SLIT1: variants seen among roughly 807,000 people sequenced by gnomAD.
SLIT1 encodes slit guidance ligand 1.
Under a neutral mutation model 186.1 loss-of-function variants are expected in SLIT1, and 66 were observed. The observed-to-expected ratio is 0.35, with a 90% CI of 0.29 to 0.44. The LOEUF is 0.44. Ranked by LOEUF, SLIT1 falls within the 20% of genes least tolerant of loss-of-function variation. SLIT1 has a pLI of 1.00. For synonymous variants in SLIT1, 761 were observed against 833.8 expected (o/e 0.91, Z 1.50); for missense variants, 1,638 against 2,037.4 (o/e 0.80, Z 3.77).
chr10:97,058,038 C>T (rs561361541), intron 11 of SLIT1: 1 of 717,482 alleles, frequency 1.4e-6, no homozygotes, highest in Non-Finnish European at 2.6e-6. Flanking sequence ...GGCACAGCAA[C>T]AGCAAAGGCC....
At chr10:97,063,326 G>A (rs969463016) in intron 8 of SLIT1, 129 bp downstream of exon 8, 3 of 960,940 alleles carry the variant, frequency 3.1e-6, no homozygotes, top group African/African-American at 1.6e-5. Context: ...GTGATGGGTG[G>A]GGCCAGGTGA....
At chr10:97,064,288 A>G in intron 6 of SLIT1, 49 bp from the exon 7 acceptor site, 1 of 1,523,030 alleles carries the variant, frequency 6.6e-7, no homozygotes, top group South Asian at 1.1e-5. Flanking sequence ...GCAGGAGATG[A>G]TGTGGGACAG....
At position 97,014,030 on chromosome 10, in the gene SLIT1, AG is replaced by A; in HGVS notation, c.3097del (p.Leu1033CysfsTer19). The A allele has an allele frequency of 6.2e-7, 1 of 1,613,710 alleles. No homozygotes were observed. ...GVGNYTCQCP[L>X]QYEGKACEQL... is the part of the protein sequence containing the mutation. Reference sequence around the variant, plus strand: ...CCTGACGCACTTACCCTCATACTGCAGGGGGCACTGGCAGGTGTAGTTGCCC... The same window carrying A: ...CCTGACGCACTTACCCTCATACTGCAGGGGCACTGGCAGGTGTAGTTGCCC... On this transcript the variant is annotated frameshift_variant, in exon 29 of 37. Coordinates refer to ENST00000266058, the MANE Select transcript of SLIT1 (RefSeq NM_003061.3). LOFTEE classifies it high-confidence loss of function.
At chr10:97,119,782 CA>C (rs1260842691) in intron 4 of SLIT1, among the ~76,000 whole-genome samples, 1 of 151,614 alleles carries the variant, frequency 6.6e-6, no homozygotes, top group Non-Finnish European at 1.5e-5. Flanking sequence ...TCAGCTAGAT[CA>C]GTCCCTTCGT....
At chr10:97,042,782 C>G in intron 20 of SLIT1, 119 bp downstream of exon 20, 1 of 1,097,996 alleles carries the variant, frequency 9.1e-7, no homozygotes, top group Non-Finnish European at 1.3e-6. Context: ...CACCTAACCT[C>G]TCCTCTCAGG....
intron 4 of SLIT1, among the ~76,000 whole-genome samples, chr10:97,148,256 AT>A (rs1394369706): frequency 6.6e-6 from 1 of 151,972 alleles, no homozygotes; most frequent in Non-Finnish European, 1.5e-5. Flanking sequence ...AGTAACTATC[AT>A]TATAATAATT....
rs116616517 is a variant in SLIT1 at position 97,062,842 on chromosome 10, G to C, written c.793+613C>G. On this transcript the variant is annotated intron_variant, in intron 8 of 36. Coordinates refer to ENST00000266058, the MANE Select transcript of SLIT1 (RefSeq NM_003061.3). Reference sequence around the variant, plus strand: ...CCTCCCAGACTTGCGGGTTCTTTTTGGTCTTCTGGCTGTAGTATAAGCCAG... The same window carrying C: ...CCTCCCAGACTTGCGGGTTCTTTTTCGTCTTCTGGCTGTAGTATAAGCCAG... 7.2e-3 allele frequency among the ~76,000 whole-genome samples: 1,096 copies of C among 152,328 alleles called. 14 individuals carry two copies. The highest frequency in any genetic ancestry group is 0.025 in the African/African-American group (1,042 of 41,576).
chr10:97,139,958 C>A (rs551063580), intron 4 of SLIT1, among the ~76,000 whole-genome samples: 10 of 152,288 alleles, frequency 6.6e-5, no homozygotes, highest in Non-Finnish European at 1.5e-4. Context: ...TAGGCAGCAG[C>A]AACAGAAGCC....
At position 97,040,129 on chromosome 10, in the gene SLIT1, G is replaced by A. The variant is rs759591639; in HGVS notation, c.2165-9C>T. 19 of 1,550,786 alleles carry A rather than the reference G, an allele frequency of 1.2e-5. No homozygotes were observed. In the East Asian group the frequency reaches 4.4e-4, roughly 36 times the overall value. ...GCCCCCCTCCTCCTGGCCTAGGGAA[G>A]AAGGCACGAAGCCCCTGTCAGGGAG... On this transcript the variant is annotated splice_polypyrimidine_tract_variant and intron_variant, in intron 20 of 36. Coordinates refer to ENST00000266058, the MANE Select transcript of SLIT1 (RefSeq NM_003061.3).
At position 97,030,968 on chromosome 10, in the gene SLIT1, T is replaced by C. The variant is rs1848585174; in HGVS notation, c.2511-140A>G. On this transcript the variant is annotated intron_variant, in intron 24 of 36. Transcript: ENST00000266058. ...CTCTCAGTCAGTGACCTGAAGGAGATGGCCCCTAGCTCAGCTGGCCACAGG... is the reference window on the plus strand; with the variant it reads ...CTCTCAGTCAGTGACCTGAAGGAGACGGCCCCTAGCTCAGCTGGCCACAGG... 63 of 704,156 alleles carry C rather than the reference T, an allele frequency of 8.9e-5. No individual in the cohort carries two copies. The South Asian group carries it at 1.0e-3, about 11-fold the overall frequency. 43.6% of individuals were successfully genotyped at this position (704,156 alleles called of 1,614,324 possible).
chr10:97,150,370 G>A (rs770019887), intron 4 of SLIT1, among the ~76,000 whole-genome samples: 6 of 152,148 alleles, frequency 3.9e-5, no homozygotes, highest in Non-Finnish European at 5.9e-5. Context: ...GGACCAAGAC[G>A]GGAAGGGAAG....
chr10:97,066,282 A>T (rs534623959), intron 4 of SLIT1, among the ~76,000 whole-genome samples, 196 bp from the exon 5 acceptor site: 6 of 152,188 alleles, frequency 3.9e-5, no homozygotes, highest in Non-Finnish European at 2.9e-5. Flanking sequence ...TGAATGATGG[A>T]ACTGGAGAGA....
At chr10:97,025,930 C>T (rs991374528) in intron 25 of SLIT1, among the ~76,000 whole-genome samples, 6 of 152,136 alleles carry the variant, frequency 3.9e-5, no homozygotes, top group Non-Finnish European at 5.9e-5. Flanking sequence ...CCACTAAATC[C>T]CCAGCTGTGT....
intron 22 of SLIT1, among the ~76,000 whole-genome samples, chr10:97,035,324 C>T (rs1201519391): frequency 2.6e-5 from 4 of 152,124 alleles, no homozygotes; most frequent in Admixed American, 6.5e-5. Context: ...ACAGTGCCCC[C>T]CTCCCCATGG....
chr10:97,058,071 C>T (rs1243164898), intron 11 of SLIT1: 1 of 717,484 alleles, frequency 1.4e-6, no homozygotes, highest in Non-Finnish European at 2.6e-6. Flanking sequence ...CTGTGTGTGC[C>T]TGTCGTGTGT....
chr10:97,173,169 C>A (rs1850212769), intron 1 of SLIT1, among the ~76,000 whole-genome samples: 1 of 152,170 alleles, frequency 6.6e-6, no homozygotes, highest in East Asian at 1.9e-4. Context: ...ATTCCAGACA[C>A]CCTCAGGAGG....
At chr10:97,185,225 G>A (rs1255308306) in intron 1 of SLIT1, among the ~76,000 whole-genome samples, 11 of 152,238 alleles carry the variant, frequency 7.2e-5, no homozygotes, top group Admixed American at 2.6e-4. Flanking sequence ...GGTGCGGAGT[G>A]CAGGGTGCAG....
intron 4 of SLIT1, among the ~76,000 whole-genome samples, chr10:97,097,578 C>T (rs951397345): frequency 3.3e-5 from 5 of 152,188 alleles, no homozygotes; most frequent in African/African-American, 7.2e-5. Context: ...TTATCAAAGA[C>T]GTCTTGCCTT....
chr10:96,998,692 C>CATCT lies in SLIT1; in HGVS notation c.*2416_*2419dup, dbSNP rs1357687102. 2 of 152,300 alleles carry CATCT rather than the reference C, an allele frequency of 1.3e-5. No homozygotes were observed. Among genetic ancestry groups the CATCT allele is most frequent in the African/African-American group, 4.8e-5 (2 of 41,452 alleles). The allele number at this position is 152,300 out of a possible 1,614,324, so 9.4% of individuals were successfully genotyped here. A position where few individuals can be genotyped will look rare whatever the true frequency, so the allele number is the denominator to read the frequency against. Reference sequence around the variant, plus strand: ...ATCCTGGGGCACACAGCTCTCACATCATCTCATGGTGGATTCCAATCCTCA... The same window carrying CATCT: ...ATCCTGGGGCACACAGCTCTCACATCATCTATCTCATGGTGGATTCCAATCCTCA... On this transcript the variant is annotated 3_prime_UTR_variant, in exon 37 of 37. Coordinates refer to ENST00000266058, the MANE Select transcript of SLIT1 (RefSeq NM_003061.3).
Sources: allele counts gnomAD v4.1 joint callset (sites outside exome capture counted in the v4.1 genomes callset), GRCh38; gene constraint gnomAD v4.1.1; transcripts MANE v1.5; gene names NCBI Gene and HGNC (gene_info 2026-07-23, HGNC 2026-07-21).